Variants in CELF4 observed in about 807,000 individuals in gnomAD.
CELF4 encodes CUG-BP- and ETR-3-like factor 4.
A neutral mutation model predicts 59.9 loss-of-function variants in CELF4; 18 were observed. The observed-to-expected ratio is 0.30, with a 90% CI of 0.21 to 0.45. CELF4 has a LOEUF of 0.45. Among genes scored for constraint, CELF4 ranks in the 20% least tolerant of loss-of-function variants. The pLI is 1.00. For missense variants in CELF4, 456 were observed against 689.0 expected (o/e 0.66, Z 3.79); for synonymous variants, 261 against 267.1 (o/e 0.98, Z 0.22).
chr18:37,347,677 G>A (rs2098313841), intron 2 of CELF4, among the ~76,000 whole-genome samples: 2 of 152,114 alleles, frequency 1.3e-5, no homozygotes, highest in Admixed American at 6.5e-5. Flanking sequence ...CTGCCCCTGG[G>A]CACCCTGGCA....
chr18:37,534,054 G>A (rs541596972), intron 1 of CELF4, among the ~76,000 whole-genome samples: 2 of 152,342 alleles, frequency 1.3e-5, no homozygotes, highest in East Asian at 3.9e-4. Context: ...GGCCCCGATG[G>A]ATTCCCCGTC....
chr18:37,380,964 C>T (rs919269010), intron 2 of CELF4, among the ~76,000 whole-genome samples: 2 of 151,660 alleles, frequency 1.3e-5, no homozygotes, highest in South Asian at 4.2e-4. Flanking sequence ...ATCATCTACC[C>T]ACCATATATC....
intron 1 of CELF4, among the ~76,000 whole-genome samples, chr18:37,491,481 G>A (rs1054012153): frequency 6.6e-6 from 1 of 152,098 alleles, no homozygotes; most frequent in Non-Finnish European, 1.5e-5. Flanking sequence ...AATTCAGTGA[G>A]GGTGGAGACG....
chr18:37,252,682 A>G (rs1367355179), intron 12 of CELF4, among the ~76,000 whole-genome samples: 1 of 146,058 alleles, frequency 6.8e-6, no homozygotes, highest in African/African-American at 2.6e-5. Context: ...AGTGAGATCT[A>G]CACTGACCAT....
intron 1 of CELF4, among the ~76,000 whole-genome samples, chr18:37,542,841 C>T (rs1294880246): frequency 1.3e-5 from 2 of 152,150 alleles, no homozygotes; most frequent in South Asian, 2.1e-4. Context: ...GGAGACGCTC[C>T]AAGCTCCAGG....
intron 1 of CELF4, among the ~76,000 whole-genome samples, chr18:37,487,392 C>T (rs1007406692): frequency 1.3e-5 from 2 of 152,224 alleles, no homozygotes; most frequent in Non-Finnish European, 2.9e-5. Context: ...GCCTTCCCCA[C>T]CTCCAACTCC....
At chr18:37,277,334 A>C (rs1338395324) in intron 3 of CELF4, among the ~76,000 whole-genome samples, 1 of 152,212 alleles carries the variant, frequency 6.6e-6, no homozygotes, top group South Asian at 2.1e-4. Context: ...AGGCCCCACT[A>C]CCTGCCTCAA....
intron 2 of CELF4, among the ~76,000 whole-genome samples, chr18:37,397,720 A>G (rs1252844162): frequency 1.3e-5 from 2 of 152,184 alleles, no homozygotes; most frequent in Non-Finnish European, 2.9e-5. Context: ...TGTAAGTAGC[A>G]CTGGCTGTAC....
Position 37,556,036 on chromosome 18 carries a change from TATAGGGAG to T in CELF4, c.286+9312_286+9319del, listed in dbSNP as rs1432933329. Among the ~76,000 whole-genome samples the T allele has an allele frequency of 1.3e-4, 20 of 152,264 alleles. No individual in the cohort carries two copies. In the South Asian group the frequency reaches 4.1e-3, roughly 32 times the overall value. ...CTGATCAAATAGTCAGTTACAGCAT[TATAGGGAG>T]GTAGCAGAATCACAGAGTTCCTACA... is the stretch of plus-strand genomic sequence containing the variant. On this transcript the variant is annotated intron_variant, in intron 1 of 12. Transcript: ENST00000420428.
At chr18:37,525,048 G>C (rs1211460620) in intron 1 of CELF4, among the ~76,000 whole-genome samples, 1 of 152,062 alleles carries the variant, frequency 6.6e-6, no homozygotes, top group Non-Finnish European at 1.5e-5. Context: ...TCTTTCCTAG[G>C]GGCCTCTTGC....
intron 2 of CELF4, among the ~76,000 whole-genome samples, chr18:37,332,275 A>G (rs1335882875): frequency 6.6e-6 from 1 of 152,116 alleles, no homozygotes; most frequent in Non-Finnish European, 1.5e-5. Flanking sequence ...GTCCACTTGC[A>G]AAGAGTCTGC....
chr18:37,410,076 G>A (rs1330522870), intron 2 of CELF4, among the ~76,000 whole-genome samples: 1 of 152,154 alleles, frequency 6.6e-6, no homozygotes, highest in Non-Finnish European at 1.5e-5. Context: ...ACTGGACTGA[G>A]CGGCTGCCAC....
intron 1 of CELF4, among the ~76,000 whole-genome samples, chr18:37,563,980 C>A (rs2154606400): frequency 6.6e-6 from 1 of 152,302 alleles, no homozygotes; most frequent in East Asian, 1.9e-4. Context: ...CAGCTCTGCG[C>A]TCTGCACCTA....
chr18:37,540,676 C>T (rs2099977201), intron 1 of CELF4, among the ~76,000 whole-genome samples: 1 of 152,196 alleles, frequency 6.6e-6, no homozygotes, highest in Non-Finnish European at 1.5e-5. Flanking sequence ...CCCGCTCTCC[C>T]TGCTGCGTGG....
intron 3 of CELF4, among the ~76,000 whole-genome samples, chr18:37,298,604 C>T (rs1310667846): frequency 6.6e-6 from 1 of 151,968 alleles, no homozygotes; most frequent in African/African-American, 2.4e-5. Context: ...GTGGCACACA[C>T]CTCCCAGCTA....
chr18:37,516,218 C>T (rs537060781), intron 1 of CELF4, among the ~76,000 whole-genome samples: 1 of 152,332 alleles, frequency 6.6e-6, no homozygotes, highest in African/African-American at 2.4e-5. Flanking sequence ...ACCAGGCCTC[C>T]TCCCTGCTCC....
Position 37,300,282 on chromosome 18 carries a change from T to C in CELF4, c.448+21521A>G, listed in dbSNP as rs866982135. ...CTCTGTTGGCCAGGCTGGAGTGCAG[T>C]GGCATGGTCTCAGCTCACTGCAACC... On this transcript the variant is annotated intron_variant, in intron 3 of 12. Transcript: ENST00000420428. Among the ~76,000 whole-genome samples the C allele has an allele frequency of 1.3e-4, 20 of 151,988 alleles. No individual in the cohort carries two copies. The Middle Eastern group carries it at 0.01, about 78-fold the overall frequency.
At chr18:37,559,150 T>C (rs1603644201) in intron 1 of CELF4, among the ~76,000 whole-genome samples, 1 of 152,156 alleles carries the variant, frequency 6.6e-6, no homozygotes. Context: ...AGGTGGATCA[T>C]GTATGTAATG....
At chr18:37,372,835 G>GAA (rs994572174) in intron 2 of CELF4, among the ~76,000 whole-genome samples, 1 of 144,374 alleles carries the variant, frequency 6.9e-6, no homozygotes, top group African/African-American at 2.5e-5. Context: ...TTATTAACCT[G>GAA]AAAAAAAAAA....
Sources: gnomAD v4.1 joint callset for allele counts (sites outside exome capture counted in the v4.1 genomes callset) on GRCh38, gnomAD v4.1.1 for gene constraint, MANE v1.5 for transcripts, NCBI Gene and HGNC (gene_info 2026-07-23, HGNC 2026-07-21) for gene names.